Variants in MAP2 observed in about 807,000 individuals in gnomAD.
MAP2 encodes the protein microtubule-associated protein 2.
Under a neutral mutation model 137.6 loss-of-function variants are expected in MAP2, and 14 were observed. That is an observed-to-expected ratio of 0.10 (90% CI 0.07 to 0.16). The LOEUF (loss-of-function observed/expected upper bound fraction) is 0.16. MAP2 is among the 10% of genes least tolerant of loss of function. The pLI is 1.00. For missense variants in MAP2, 2,088 were observed against 2,191.5 expected (o/e 0.95, Z 0.94); for synonymous variants, 786 against 782.3 (o/e 1.00, Z -0.08).
chr2:209,546,493 A>G (rs1181484947), intron 2 of MAP2, among the ~76,000 whole-genome samples: 3 of 152,220 alleles, frequency 2.0e-5, no homozygotes, highest in Admixed American at 2.0e-4. Flanking sequence ...GGAGTCAGTT[A>G]AACTAAATGT....
intron 2 of MAP2, among the ~76,000 whole-genome samples, chr2:209,559,576 G>A (rs1198227017): frequency 2.0e-5 from 3 of 151,532 alleles, no homozygotes; most frequent in East Asian, 1.9e-4. Context: ...GCTTAAACGC[G>A]GGAGGCAGAG....
chr2:209,680,614 C>A, intron 6 of MAP2, 136 bp from the exon 7 acceptor site: 1 of 721,778 alleles, frequency 1.4e-6, no homozygotes, highest in Non-Finnish European at 2.4e-6. Flanking sequence ...TATAAATAAA[C>A]CAAATGCGGC....
chr2:209,706,840 GA>G (rs1340031149), intron 12 of MAP2, among the ~76,000 whole-genome samples: 36 of 151,982 alleles, frequency 2.4e-4, no homozygotes, highest in Non-Finnish European at 1.5e-5. Context: ...TTGCCTACAA[GA>G]AAAGTGTTTA....
chr2:209,434,580 C>T (rs1327505004), intron 1 of MAP2, among the ~76,000 whole-genome samples: 1 of 151,442 alleles, frequency 6.6e-6, no homozygotes, highest in Non-Finnish European at 1.5e-5. Flanking sequence ...TTACTCATGC[C>T]TATAATCCTA....
chr2:209,539,406 G>C (rs1207395794), intron 2 of MAP2, among the ~76,000 whole-genome samples: 1 of 152,176 alleles, frequency 6.6e-6, no homozygotes, highest in African/African-American at 2.4e-5. Context: ...ACATGAGTCA[G>C]AACAGCTGAA....
intron 1 of MAP2, among the ~76,000 whole-genome samples, chr2:209,476,647 A>T (rs546978344): frequency 2.4e-4 from 36 of 152,298 alleles, no homozygotes; most frequent in Admixed American, 6.5e-4. Flanking sequence ...TACGACGTCC[A>T]TATGATTAAG....
chr2:209,521,559 T>TC (rs1553569826), intron 2 of MAP2, among the ~76,000 whole-genome samples: 3 of 147,432 alleles, frequency 2.0e-5, no homozygotes, highest in African/African-American at 2.5e-5. Flanking sequence ...TAATCTTATT[T>TC]AAAAAAAAAA....
chr2:209,475,409 G>A (rs1358877185), intron 1 of MAP2, among the ~76,000 whole-genome samples: 1 of 151,894 alleles, frequency 6.6e-6, no homozygotes, highest in Non-Finnish European at 1.5e-5. Context: ...CAGTGCAATT[G>A]TCCTGAAACT....
chr2:209,527,192 A>G lies in MAP2; in HGVS notation c.-172+19551A>G, dbSNP rs554324797. ...TCGTTCCTGTATCACCCTGTGTAGA[A>G]ATAAAAAAGAACACTTAATCCTCAC... On this transcript the variant is annotated intron_variant, in intron 2 of 15. Transcript: ENST00000682079. Among the ~76,000 whole-genome samples, 3 of 152,202 alleles carry G rather than the reference A, an allele frequency of 2.0e-5. No individual in the cohort carries two copies. The South Asian group carries it at 6.2e-4, about 32-fold the overall frequency.
chr2:209,612,291 T>A (rs1185446481), intron 3 of MAP2, among the ~76,000 whole-genome samples: 1 of 152,226 alleles, frequency 6.6e-6, no homozygotes, highest in Non-Finnish European at 1.5e-5. Context: ...TTCTAGTTAT[T>A]TGTTTATTTC....
chr2:209,647,408 C>G lies in MAP2; in HGVS notation c.-29-5734C>G, dbSNP rs79156388. 3.3e-3 allele frequency among the ~76,000 whole-genome samples: 505 copies of G among 152,212 alleles called. 15 individuals carry two copies. The East Asian group carries it at 0.073, about 22-fold the overall frequency. Reference sequence around the variant, plus strand: ...AGTATTAAACATGTAAGCATTAAGTCTACCTAAAAACAAAATTGAAGAATG... The same window carrying G: ...AGTATTAAACATGTAAGCATTAAGTGTACCTAAAAACAAAATTGAAGAATG... On this transcript the variant is annotated intron_variant, in intron 4 of 15. Coordinates refer to ENST00000682079, the MANE Select transcript of MAP2 (RefSeq NM_001375505.1).
At chr2:209,456,086 T>G in intron 1 of MAP2, among the ~76,000 whole-genome samples, 1 of 152,206 alleles carries the variant, frequency 6.6e-6, no homozygotes, top group Non-Finnish European at 1.5e-5. Context: ...CTATCACTCA[T>G]ACTCCCTGGC....
At chr2:209,510,206 C>T (rs917227265) in intron 2 of MAP2, among the ~76,000 whole-genome samples, 7 of 151,736 alleles carry the variant, frequency 4.6e-5, no homozygotes, top group African/African-American at 1.7e-4. Flanking sequence ...GTATATTTTC[C>T]TCCAGTTTTT....
At chr2:209,688,701 A>T (rs2057912251) in intron 7 of MAP2, among the ~76,000 whole-genome samples, 1 of 152,218 alleles carries the variant, frequency 6.6e-6, no homozygotes, top group Non-Finnish European at 1.5e-5. Flanking sequence ...ATGGGCTGCA[A>T]TGTGTCTCAT....
At chr2:209,442,182 T>G (rs1165904996) in intron 1 of MAP2, among the ~76,000 whole-genome samples, 3 of 151,580 alleles carry the variant, frequency 2.0e-5, no homozygotes, top group Non-Finnish European at 3.0e-5. Flanking sequence ...CTATTTCTAT[T>G]AAGTCCTAAT....
At chr2:209,689,782 T>G (rs1330348848) in intron 7 of MAP2, among the ~76,000 whole-genome samples, 1 of 152,220 alleles carries the variant, frequency 6.6e-6, no homozygotes, top group Non-Finnish European at 1.5e-5. Context: ...ACTACATTAC[T>G]GATATTTCAG....
At chr2:209,701,831 A>G (rs16843515) in intron 11 of MAP2, among the ~76,000 whole-genome samples, 18,134 of 152,084 alleles carry the variant, frequency 0.12, 1,396 homozygotes, top group East Asian at 0.23. Flanking sequence ...TTCTGTTTCC[A>G]AATTAATGAT....
chr2:209,664,808 A>T (rs2045485971), intron 5 of MAP2, among the ~76,000 whole-genome samples: 1 of 151,810 alleles, frequency 6.6e-6, no homozygotes, highest in Non-Finnish European at 1.5e-5. Context: ...AAAAATACAA[A>T]AATTAGCTAG....
At chr2:209,636,624 G>A (rs1024783366) in intron 4 of MAP2, among the ~76,000 whole-genome samples, 22 of 151,410 alleles carry the variant, frequency 1.5e-4, no homozygotes, top group Non-Finnish European at 2.7e-4. Context: ...ATATAACAGC[G>A]TAATACATTG....
Sources: gnomAD v4.1 joint callset for allele counts (sites outside exome capture counted in the v4.1 genomes callset) on GRCh38, gnomAD v4.1.1 for gene constraint, MANE v1.5 for transcripts, NCBI Gene and HGNC (gene_info 2026-07-23, HGNC 2026-07-21) for gene names.